Variants in DGKD observed in about 807,000 individuals in gnomAD.
DGKD encodes the protein diacylglycerol kinase delta, also known as DAG kinase delta.
DGKD carries 68 observed loss-of-function variants against 154.4 expected under a neutral mutation model. That is an observed-to-expected ratio of 0.44 (90% CI 0.36 to 0.54). The LOEUF is 0.54. Ranked by LOEUF, DGKD falls within the 20% of genes least tolerant of loss-of-function variation. The pLI is 0.00. For synonymous variants in DGKD, 693 were observed against 638.0 expected (o/e 1.09, Z -1.30); for missense variants, 1,343 against 1,593.6 (o/e 0.84, Z 2.68).
rs1049877376 is a variant in DGKD, at chr2:233,449,533, G to T, written c.1888+157G>T. ...CAGGCACCAGACCCCCAACGAGTTCGCTTGCCCTCCTTCCACCCCTCCTCT... is the reference window on the plus strand; with the variant it reads ...CAGGCACCAGACCCCCAACGAGTTCTCTTGCCCTCCTTCCACCCCTCCTCT... On this transcript the variant is annotated intron_variant, in intron 15 of 29. Coordinates refer to ENST00000264057, the MANE Select transcript of DGKD (RefSeq NM_152879.3). This position sits in a 1 kb window ranked among gnomAD's most constrained non-coding sequence, Gnocchi z 5.3. Among the ~76,000 whole-genome samples the T allele has an allele frequency of 1.3e-5, 2 of 152,058 alleles. No homozygotes were observed. Among genetic ancestry groups the T allele is most frequent in the African/African-American group, 2.4e-5 (1 of 41,412 alleles).
intron 26 of DGKD, 199 bp from the exon 27 acceptor site, chr2:233,463,965 T>G: frequency 1.6e-6 from 1 of 644,440 alleles, no homozygotes; most frequent in South Asian, 2.1e-5. Context: ...TGGACAGTTT[T>G]ATTCTCTCAC....
intron 3 of DGKD, among the ~76,000 whole-genome samples, chr2:233,403,302 G>A (rs1375564507): frequency 2.6e-5 from 4 of 152,122 alleles, no homozygotes; most frequent in South Asian, 2.1e-4. Flanking sequence ...GCTCACACCC[G>A]TAATCCCAGC....
intron 11 of DGKD, among the ~76,000 whole-genome samples, chr2:233,446,306 C>T (rs1202888117): frequency 2.0e-5 from 3 of 152,228 alleles, no homozygotes; most frequent in Non-Finnish European, 2.9e-5. Flanking sequence ...TCCCAGAAGC[C>T]TGGAGTTCTG....
intron 26 of DGKD, 69 bp downstream of exon 26, chr2:233,462,804 G>GCCCT: frequency 1.5e-6 from 2 of 1,313,270 alleles, no homozygotes; most frequent in Non-Finnish European, 2.2e-6. Context: ...CCAGGTTGCT[G>GCCCT]GGCACACAGG....
intron 3 of DGKD, among the ~76,000 whole-genome samples, chr2:233,400,609 A>G (rs779902676): frequency 1.3e-5 from 2 of 151,710 alleles, no homozygotes; most frequent in African/African-American, 2.4e-5. Context: ...GTTTGAGTCC[A>G]TCTCGGGTGC....
chr2:233,360,192 C>T (rs775808369), intron 1 of DGKD, among the ~76,000 whole-genome samples: 3 of 152,180 alleles, frequency 2.0e-5, no homozygotes, highest in Non-Finnish European at 4.4e-5. Flanking sequence ...TTTGGCATCT[C>T]TACCAAATTT....
chr2:233,403,875 C>T (rs2061618037), intron 3 of DGKD, among the ~76,000 whole-genome samples: 1 of 152,042 alleles, frequency 6.6e-6, no homozygotes, highest in South Asian at 2.1e-4. Flanking sequence ...CTCCTGACCT[C>T]GTGATCCGCC....
chr2:233,462,126 C>A lies in DGKD; in HGVS notation c.2982-222C>A, dbSNP rs150238488. On this transcript the variant is annotated intron_variant, in intron 24 of 29. Coordinates refer to ENST00000264057, the MANE Select transcript of DGKD (RefSeq NM_152879.3). The stretch of plus-strand genomic sequence containing the variant: ...CTCCCTGGAAAATCTTGGATTTTGA[C>A]GTCAGATTTCTCGTGGAAGCCCTCC... 7.9e-5 allele frequency among the ~76,000 whole-genome samples: 12 copies of A among 152,324 alleles called. 1 individual carries two copies. In the East Asian group the frequency reaches 2.3e-3, roughly 29 times the overall value.
intron 3 of DGKD, among the ~76,000 whole-genome samples, chr2:233,411,856 C>T (rs923949700): frequency 2.6e-5 from 4 of 152,102 alleles, no homozygotes; most frequent in East Asian, 1.9e-4. Flanking sequence ...TTTGAGGCAG[C>T]GTTTATTGAA....
chr2:233,411,092 C>G (rs2061817895), intron 3 of DGKD, among the ~76,000 whole-genome samples: 1 of 151,920 alleles, frequency 6.6e-6, no homozygotes. Context: ...TTTGTCTATT[C>G]TATTGGTGGG....
At position 233,354,720 on chromosome 2, in the gene DGKD, G is replaced by T. The variant is rs1202315609; in HGVS notation, c.156+46G>T. 7 of 973,524 alleles carry T rather than the reference G, an allele frequency of 7.2e-6. No homozygotes were observed. The highest frequency in any genetic ancestry group is 1.2e-4 in the East Asian group (1 of 8,568). 60.3% of individuals were successfully genotyped at this position (973,524 alleles called of 1,614,324 possible). ...CCCGGGCGCGCGCCCCTCACGCCGC[G>T]GCAGCCCCGGCCGAGGCCCGTGGCC... On this transcript the variant is annotated intron_variant, in intron 1 of 29. Transcript: ENST00000264057. The surrounding 1 kb of genome is among the most constrained non-coding windows in gnomAD (Gnocchi z 4.8).
At chr2:233,393,224 C>T (rs372728230) in intron 3 of DGKD, among the ~76,000 whole-genome samples, 15 of 151,848 alleles carry the variant, frequency 9.9e-5, no homozygotes, top group African/African-American at 2.7e-4. Flanking sequence ...GACGGGGTTT[C>T]GCCATGTTGG....
At chr2:233,382,403 C>T (rs1033299497) in intron 1 of DGKD, among the ~76,000 whole-genome samples, 11 of 152,018 alleles carry the variant, frequency 7.2e-5, no homozygotes, top group African/African-American at 2.7e-4. Flanking sequence ...TCTGTTTTAC[C>T]TGCTTTTTTG....
chr2:233,446,151 G>A (rs1422895666), intron 11 of DGKD, among the ~76,000 whole-genome samples: 2 of 152,222 alleles, frequency 1.3e-5, no homozygotes, highest in African/African-American at 4.8e-5. Flanking sequence ...GAAGTTTTGG[G>A]AAATTATCCT....
rs938201022 is a variant in DGKD, at chr2:233,449,695, C to T, written c.1889-287C>T. Reference sequence around the variant, plus strand: ...CCGCACACCTGCGTGTCCATGCAGCCGCTCCTCCCGCTTGCAGCCCTCCAG... The same window carrying T: ...CCGCACACCTGCGTGTCCATGCAGCTGCTCCTCCCGCTTGCAGCCCTCCAG... On this transcript the variant is annotated intron_variant, in intron 15 of 29. Transcript: ENST00000264057. The surrounding 1 kb of genome is among the most constrained non-coding windows in gnomAD (Gnocchi z 5.3). Among the ~76,000 whole-genome samples, 6 of 152,300 alleles carry T rather than the reference C, an allele frequency of 3.9e-5. No homozygotes were observed. The East Asian group carries it at 5.8e-4, about 15-fold the overall frequency.
intron 3 of DGKD, among the ~76,000 whole-genome samples, chr2:233,423,628 C>T (rs2062192036): frequency 6.6e-6 from 1 of 152,136 alleles, no homozygotes; most frequent in Admixed American, 6.5e-5. Context: ...TCTGGATACT[C>T]TGTTAGGTGA....
In DGKD at chr2:233,354,529, C is replaced by CG; in HGVS notation, c.13dup (p.Ala5GlyfsTer72). 1.0e-6 allele frequency: 1 copy of CG among 988,438 alleles called. No individual in the cohort carries two copies. The highest frequency in any genetic ancestry group is 1.2e-6 in the Non-Finnish European group (1 of 833,808). The allele number at this position is 988,438 out of a possible 1,614,324, so 61.2% of individuals were successfully genotyped here. On this transcript the variant is annotated frameshift_variant, in exon 1 of 30. Transcript: ENST00000264057. LOFTEE classifies it high-confidence loss of function. The surrounding 1 kb of genome is among the most constrained non-coding windows in gnomAD (Gnocchi z 4.8). ...CGCTGGCCCGGCAGCATGGCGGCGGCGGCGGGCGCCCCTCCGCCGGGTCCC... is the reference window on the plus strand; with the variant it reads ...CGCTGGCCCGGCAGCATGGCGGCGGCGGGCGGGCGCCCCTCCGCCGGGTCCC...
intron 1 of DGKD, among the ~76,000 whole-genome samples, chr2:233,365,337 TC>T (rs1701971313): frequency 6.6e-6 from 1 of 152,066 alleles, no homozygotes; most frequent in South Asian, 2.1e-4. Context: ...TTCAAGTGAT[TC>T]TCCTGCCTCA....
chr2:233,438,621 C>T lies in DGKD; in HGVS notation c.1085+242C>T, dbSNP rs562532395. Among the ~76,000 whole-genome samples the T allele has an allele frequency of 1.3e-5, 2 of 152,222 alleles. No individual in the cohort carries two copies. The highest frequency in any genetic ancestry group is 2.9e-5 in the Non-Finnish European group (2 of 68,050). On this transcript the variant is annotated intron_variant, in intron 9 of 29. Transcript: ENST00000264057. This position sits in a 1 kb window ranked among gnomAD's most constrained non-coding sequence, Gnocchi z 4.1. ...ATACATCCATGTACACACACCCATG[C>T]ACGTGCATCTTTTGAGCCAATCAGG...
Sources: gnomAD v4.1 joint callset for allele counts (sites outside exome capture counted in the v4.1 genomes callset) on GRCh38, gnomAD v4.1.1 for gene constraint, Gnocchi (gnomAD v3.1) non-coding constraint, MANE v1.5 for transcripts, NCBI Gene and HGNC (gene_info 2026-07-23, HGNC 2026-07-21) for gene names.